The following ZNF521 variants were observed in gnomAD, a reference collection of about 807,000 sequenced individuals.
ZNF521 encodes LYST-interacting protein 3.
ZNF521 carries 14 observed loss-of-function variants against 105.5 expected under a neutral mutation model. That is an observed-to-expected ratio of 0.13 (90% CI 0.09 to 0.21). The LOEUF (loss-of-function observed/expected upper bound fraction) is 0.21, where lower values mean the gene tolerates loss of function less well. Ranked by LOEUF, ZNF521 falls within the 10% of genes least tolerant of loss-of-function variation. ZNF521 has a pLI of 1.00. For synonymous variants in ZNF521, 635 were observed against 606.0 expected (o/e 1.05, Z -0.70); for missense variants, 1,233 against 1,629.7 (o/e 0.76, Z 4.19).
intron 3 of ZNF521, among the ~76,000 whole-genome samples, chr18:25,276,338 A>AC (rs1025700480): frequency 9.8e-5 from 15 of 152,290 alleles, no homozygotes; most frequent in Non-Finnish European, 1.8e-4. Flanking sequence ...AATACCCAAT[A>AC]GACTCCTGAG....
chr18:25,297,454 C>A (rs560295432), intron 3 of ZNF521, among the ~76,000 whole-genome samples: 2 of 152,040 alleles, frequency 1.3e-5, no homozygotes, highest in African/African-American at 4.8e-5. Context: ...TTTAGTCTCA[C>A]GCAGATATTA....
At chr18:25,201,809 T>C (rs1467963497) in intron 4 of ZNF521, 1 of 152,172 alleles carries the variant, frequency 6.6e-6, no homozygotes, top group Admixed American at 6.6e-5. Flanking sequence ...GTATAGTTAG[T>C]TGTGTGACAA....
rs192814618 is a variant in ZNF521 at position 25,082,052 on chromosome 18, G to A, written c.3906+7413C>T. On this transcript the variant is annotated intron_variant, in intron 7 of 7. Transcript: ENST00000361524. ...ATCAATGCAAATGATTCGGTTCCTG[G>A]AGATCCGATCAAATAAAAGAGATAG... Among the ~76,000 whole-genome samples, 179 of 152,228 alleles carry A rather than the reference G, an allele frequency of 1.2e-3. 1 individual carries two copies. Among genetic ancestry groups the A allele is most frequent in the African/African-American group, 4.1e-3 (169 of 41,506 alleles).
intron 2 of ZNF521, among the ~76,000 whole-genome samples, chr18:25,342,346 A>G (rs1384322995): frequency 1.3e-5 from 2 of 152,060 alleles, no homozygotes; most frequent in Non-Finnish European, 2.9e-5. Flanking sequence ...TTTTGGCTTC[A>G]TTAGTACTTG....
intron 3 of ZNF521, among the ~76,000 whole-genome samples, chr18:25,281,814 A>C (rs1215563725): frequency 6.6e-6 from 1 of 152,178 alleles, no homozygotes; most frequent in African/African-American, 2.4e-5. Flanking sequence ...TGTCCAGTGC[A>C]GTTTAGAGTA....
At chr18:25,351,073 C>G in intron 1 of ZNF521, 126 bp from the exon 2 acceptor site, 2 of 533,484 alleles carry the variant, frequency 3.7e-6, no homozygotes, top group Non-Finnish European at 5.1e-6. Context: ...GCCCTCGCTC[C>G]GCGCTCCGCT....
chr18:25,304,126 C>T (rs1911830541), intron 3 of ZNF521, among the ~76,000 whole-genome samples: 2 of 152,136 alleles, frequency 1.3e-5, no homozygotes, highest in Admixed American at 1.3e-4. Flanking sequence ...ACCAAAGGTT[C>T]ATAGCATAGT....
At chr18:25,209,542 G>T (rs557063101) in intron 4 of ZNF521, among the ~76,000 whole-genome samples, 1 of 152,246 alleles carries the variant, frequency 6.6e-6, no homozygotes, top group South Asian at 2.1e-4. Context: ...GGGCATCGTC[G>T]GTGGATTTTG....
intron 5 of ZNF521, among the ~76,000 whole-genome samples, chr18:25,125,319 A>G (rs576613493): frequency 2.2e-4 from 33 of 152,248 alleles, no homozygotes; most frequent in African/African-American, 7.7e-4. Context: ...TCAATTCAAC[A>G]GTTTGGCATT....
chr18:25,131,701 G>A (rs764226236), intron 5 of ZNF521, among the ~76,000 whole-genome samples: 4 of 152,108 alleles, frequency 2.6e-5, no homozygotes, highest in Non-Finnish European at 4.4e-5. Flanking sequence ...TGCTTGTTCA[G>A]TAAACATCGG....
chr18:25,096,792 G>T (rs1281621995), intron 5 of ZNF521, among the ~76,000 whole-genome samples: 1 of 152,102 alleles, frequency 6.6e-6, no homozygotes, highest in East Asian at 1.9e-4. Flanking sequence ...CTCTTCCACT[G>T]CATAAATCTA....
At chr18:25,301,358 A>G (rs1568065348) in intron 3 of ZNF521, among the ~76,000 whole-genome samples, 2 of 152,228 alleles carry the variant, frequency 1.3e-5, no homozygotes, top group Admixed American at 1.3e-4. Context: ...AATTGCAGAG[A>G]CTTGATCACA....
intron 5 of ZNF521, among the ~76,000 whole-genome samples, chr18:25,140,726 G>A (rs1433973212): frequency 1.3e-5 from 2 of 152,268 alleles, no homozygotes; most frequent in South Asian, 2.1e-4. Flanking sequence ...CTCCCAACAA[G>A]GGAAAATGGG....
intron 2 of ZNF521, among the ~76,000 whole-genome samples, chr18:25,350,315 G>A (rs934636001): frequency 1.3e-4 from 20 of 151,846 alleles, no homozygotes; most frequent in Non-Finnish European, 2.2e-4. Context: ...CCCGAGCCGG[G>A]GTCCGGTGCC....
At chr18:25,271,726 T>C (rs1308988784) in intron 3 of ZNF521, among the ~76,000 whole-genome samples, 1 of 152,142 alleles carries the variant, frequency 6.6e-6, no homozygotes, top group Admixed American at 6.5e-5. Flanking sequence ...TGCAGAAAAC[T>C]GAAACTGGAT....
intron 5 of ZNF521, among the ~76,000 whole-genome samples, chr18:25,115,230 C>A (rs2034279395): frequency 6.6e-6 from 1 of 152,154 alleles, no homozygotes; most frequent in South Asian, 2.1e-4. Flanking sequence ...GGGGATCTGA[C>A]ACTTATTCTT....
chr18:25,334,658 T>C (rs1913771154), intron 2 of ZNF521, among the ~76,000 whole-genome samples: 1 of 152,200 alleles, frequency 6.6e-6, no homozygotes. Flanking sequence ...AAGAGTTGAA[T>C]ATAAAAGTTC....
In ZNF521 at chr18:25,253,032, A is replaced by C. The variant is rs374662401; in HGVS notation, c.221-25335T>G. On this transcript the variant is annotated intron_variant, in intron 3 of 7. Transcript: ENST00000361524. Reference sequence around the variant, plus strand: ...CTACCATTCAACTGAGAATACAGGCACTTTTACAAATGGATTCAAGAGTTA... The same window carrying C: ...CTACCATTCAACTGAGAATACAGGCCCTTTTACAAATGGATTCAAGAGTTA... Among the ~76,000 whole-genome samples, 8 of 152,188 alleles carry C rather than the reference A, an allele frequency of 5.3e-5. No individual in the cohort carries two copies. The East Asian group carries it at 1.3e-3, about 26-fold the overall frequency.
chr18:25,205,366 T>C (rs189176677), intron 4 of ZNF521, among the ~76,000 whole-genome samples: 2 of 152,192 alleles, frequency 1.3e-5, no homozygotes, highest in Admixed American at 1.3e-4. Context: ...GGTGGGAAAA[T>C]ATGGGTTTAA....
Sources: allele counts gnomAD v4.1 joint callset (sites outside exome capture counted in the v4.1 genomes callset), GRCh38; gene constraint gnomAD v4.1.1; transcripts MANE v1.5; gene names NCBI Gene and HGNC (gene_info 2026-07-23, HGNC 2026-07-21).